Variants in LRRC53 observed in about 807,000 individuals in gnomAD.
LRRC53 encodes leucine-rich repeat-containing protein 53.
LRRC53 carries 25 observed loss-of-function variants against 13.6 expected under a neutral mutation model. The ratio of observed to expected loss-of-function variants is 1.83; its 90% CI spans 1.34 to 2.56. The LOEUF (loss-of-function observed/expected upper bound fraction) is 2.56. Among genes scored for constraint, LRRC53 ranks in the 30% most tolerant of loss-of-function variants. The probability of loss-of-function intolerance (pLI) is 0.00; values close to 1 mark genes in which losing one functional copy is unlikely to be tolerated. For missense variants in LRRC53, 527 were observed against 275.8 expected, an observed-to-expected ratio of 1.91 and a Z score of -6.45; for synonymous variants, 204 against 109.8, an observed-to-expected ratio of 1.86 and a Z score of -5.37.
the LRRC53 span, among the ~76,000 whole-genome samples, chr1:74,522,554 A>C: frequency 6.6e-6 from 1 of 152,318 alleles, no homozygotes; most frequent in South Asian, 2.1e-4. Context: ...ACATTTAAAA[A>C]GTAGCATGAA....
chr1:74,525,066 T>C, the LRRC53 span, among the ~76,000 whole-genome samples: 6 of 152,062 alleles, frequency 3.9e-5, no homozygotes, highest in Non-Finnish European at 7.4e-5. Context: ...GAATGAAAGA[T>C]GAGATTCTTC....
the LRRC53 span, among the ~76,000 whole-genome samples, chr1:74,525,514 C>G: frequency 6.6e-6 from 1 of 152,118 alleles, no homozygotes; most frequent in Admixed American, 6.6e-5. Flanking sequence ...AGAGATGAGG[C>G]TGAAGAAATG....
chr1:74,502,477 T>C (rs538906728), intron 1 of LRRC53, among the ~76,000 whole-genome samples: 17 of 152,348 alleles, frequency 1.1e-4, no homozygotes, highest in Admixed American at 3.9e-4. Context: ...ATAATTTAAT[T>C]TGGGCCTGTC....
At chr1:74,531,214 C>G in the LRRC53 span, among the ~76,000 whole-genome samples, 1 of 152,318 alleles carries the variant, frequency 6.6e-6, no homozygotes, top group Admixed American at 6.5e-5. Flanking sequence ...GGCACTTGCC[C>G]ATTCTCTGTA....
chr1:74,520,935 G>A, the LRRC53 span, among the ~76,000 whole-genome samples: 1 of 152,104 alleles, frequency 6.6e-6, no homozygotes, highest in South Asian at 2.1e-4. Context: ...GGTGACATGG[G>A]AGCAGAGGTG....
At chr1:74,508,624 G>T (rs964778711) in intron 1 of LRRC53, among the ~76,000 whole-genome samples, 1 of 152,152 alleles carries the variant, frequency 6.6e-6, no homozygotes, top group Non-Finnish European at 1.5e-5. Context: ...CTGCCAGAGC[G>T]GTAGCATGGG....
At chr1:74,520,265 T>G in the LRRC53 span, among the ~76,000 whole-genome samples, 4 of 152,150 alleles carry the variant, frequency 2.6e-5, no homozygotes, top group Non-Finnish European at 4.4e-5. Flanking sequence ...TTGACTCAAC[T>G]GGAATCTTGA....
intron 1 of LRRC53, among the ~76,000 whole-genome samples, chr1:74,497,644 C>T (rs1304022028): frequency 6.6e-6 from 1 of 151,718 alleles, no homozygotes; most frequent in African/African-American, 2.4e-5. Context: ...AATTGAACCC[C>T]AGATCATTTA....
chr1:74,487,014 G>C (rs991017864), intron 1 of LRRC53, among the ~76,000 whole-genome samples: 2 of 152,136 alleles, frequency 1.3e-5, no homozygotes, highest in East Asian at 3.9e-4. Flanking sequence ...GATTGCAAAT[G>C]GGAGAAGGGG....
intron 1 of LRRC53, among the ~76,000 whole-genome samples, chr1:74,509,063 G>A (rs550995857): frequency 2.0e-5 from 3 of 152,204 alleles, no homozygotes; most frequent in East Asian, 1.9e-4. Context: ...TCTGAAATTC[G>A]GGATCCTTAT....
intron 1 of LRRC53, among the ~76,000 whole-genome samples, chr1:74,492,481 A>G (rs1241715677): frequency 6.6e-6 from 1 of 152,176 alleles, no homozygotes; most frequent in Admixed American, 6.5e-5. Context: ...ACAGGCATTA[A>G]CCTAGCTTAA....
chr1:74,513,762 ATTACT>A (rs929231399), upstream of LRRC53, among the ~76,000 whole-genome samples: 1 of 152,198 alleles, frequency 6.6e-6, no homozygotes, highest in African/African-American at 2.4e-5. Context: ...CTGATGACAC[ATTACT>A]TTACAGTTTA....
In LRRC53 at chr1:74,480,563, G is replaced by A. The variant is rs1230618366; in HGVS notation, c.494C>T (p.Ser165Phe). The A allele has an allele frequency of 2.8e-6, 2 of 717,306 alleles. No individual in the cohort carries two copies. Among genetic ancestry groups the A allele is most frequent in the Admixed American group, 2.0e-5 (1 of 50,014 alleles). The allele number at this position is 717,306 out of a possible 1,614,324, so 44.4% of individuals were successfully genotyped here. A position where few individuals can be genotyped will look rare whatever the true frequency, so the allele number is the denominator to read the frequency against. ...CCCAATGTAGGAAATAAAATTGTTG[G>A]ATAAATCCAGATACCTGAGACTGTG... ...NLHSLRYLDL[S>F]NNFISYIGKD... The change falls in exon 3 of 5, where the codon TCC (serine) becomes TTC (phenylalanine). Residue 165 changes from serine to phenylalanine, a missense_variant. Transcript: ENST00000294635.
the LRRC53 span, among the ~76,000 whole-genome samples, chr1:74,533,864 A>G: frequency 6.6e-6 from 1 of 152,222 alleles, no homozygotes. Context: ...TTGAACAATG[A>G]GAAGACATGT....
chr1:74,477,890 A>G (rs1668285518), intron 3 of LRRC53, among the ~76,000 whole-genome samples: 1 of 152,244 alleles, frequency 6.6e-6, no homozygotes, highest in Non-Finnish European at 1.5e-5. Context: ...GGGAAAATTA[A>G]TGATAAGTTC....
At chr1:74,502,781 G>C (rs17095463) in intron 1 of LRRC53, among the ~76,000 whole-genome samples, 15,810 of 152,198 alleles carry the variant, frequency 0.1, 2,185 homozygotes, top group African/African-American at 0.32. Context: ...ACCTGCCTGT[G>C]CTGATACAGA....
intron 1 of LRRC53, among the ~76,000 whole-genome samples, chr1:74,495,274 C>T (rs535010740): frequency 2.6e-5 from 4 of 152,308 alleles, no homozygotes; most frequent in African/African-American, 4.8e-5. Context: ...AAGCTCAATC[C>T]TTGCACTACT....
At chr1:74,482,085 T>C (rs765685827) in intron 2 of LRRC53, among the ~76,000 whole-genome samples, 47 of 152,366 alleles carry the variant, frequency 3.1e-4, no homozygotes, top group Non-Finnish European at 3.1e-4. Flanking sequence ...ATTCTATTAA[T>C]TCTGGCCAGT....
Position 74,475,550 on chromosome 1 carries a change from C to G in LRRC53, c.1165G>C (p.Ala389Pro). The G allele has an allele frequency of 1.4e-6, 1 of 717,404 alleles. No homozygotes were observed. Among genetic ancestry groups the G allele is most frequent in the Admixed American group, 2.0e-5 (1 of 49,984 alleles). The allele number at this position is 717,404 out of a possible 1,614,324, so 44.4% of individuals were successfully genotyped here. ...LQENSHQATS[A>P]SESATLDGSF... ...CCGTCAAGGGTTGCAGACTCAGAGG[C>G]CGATGTTGCTTGATGGCTATTTTCC... is the stretch of plus-strand genomic sequence containing the variant. Residue 389 changes from alanine (A) to proline (P), a missense_variant, in exon 4 of 5, where the codon GCC (alanine) becomes CCC (proline). Coordinates refer to ENST00000294635, the MANE Select transcript of LRRC53 (RefSeq NM_001382280.1).
Sources: gnomAD v4.1 joint callset for allele counts (sites outside exome capture counted in the v4.1 genomes callset) on GRCh38, gnomAD v4.1.1 for gene constraint, MANE v1.5 for transcripts, NCBI Gene and HGNC (gene_info 2026-07-23, HGNC 2026-07-21) for gene names.